The following ZNF208 variants were observed in gnomAD, a reference collection of about 807,000 sequenced individuals.
ZNF208 encodes zinc finger protein 208.
Under a neutral mutation model 12.1 loss-of-function variants are expected in ZNF208, and 10 were observed. That is an observed-to-expected ratio of 0.83 (90% CI 0.51 to 1.40). ZNF208 has a LOEUF of 1.40. Ranked by LOEUF, ZNF208 falls within the 40% of genes most tolerant of loss-of-function variation. The pLI is 0.00. For synonymous variants in ZNF208, 497 were observed against 488.4 expected (o/e 1.02, Z -0.23); for missense variants, 1,652 against 1,485.0 (o/e 1.11, Z -1.85).
At position 21,970,940 on chromosome 19, in the gene ZNF208, T is replaced by C. The variant is rs115313005; in HGVS notation, c.*251A>G. On this transcript the variant is annotated 3_prime_UTR_variant, in exon 4 of 4. Coordinates refer to ENST00000397126, the MANE Select transcript of ZNF208 (RefSeq NM_007153.3). ...GGCTTTGCCACATTCTTTGCATTTGTATGGTTTCTCTCCAGTATGAATTAC... is the reference window on the plus strand; with the variant it reads ...GGCTTTGCCACATTCTTTGCATTTGCATGGTTTCTCTCCAGTATGAATTAC... 5.7e-3 allele frequency among the ~76,000 whole-genome samples: 859 copies of C among 152,030 alleles called. 1 individual carries two copies. The highest frequency in any genetic ancestry group is 0.019 in the African/African-American group (803 of 41,466).
intron 3 of ZNF208, among the ~76,000 whole-genome samples, chr19:21,977,532 C>A (rs561222806): frequency 6.6e-6 from 1 of 152,178 alleles, no homozygotes; most frequent in Non-Finnish European, 1.5e-5. Flanking sequence ...CATGAAGAAC[C>A]GTGCTCTCCA....
At chr19:21,945,545 A>G (rs979010038) in intron 4 of ZNF208, among the ~76,000 whole-genome samples, 3 of 152,202 alleles carry the variant, frequency 2.0e-5, no homozygotes, top group Non-Finnish European at 4.4e-5. Flanking sequence ...CCACAAAATA[A>G]TTTATCATAA....
At chr19:22,006,339 T>C (rs1971043696) in intron 1 of ZNF208, among the ~76,000 whole-genome samples, 1 of 152,184 alleles carries the variant, frequency 6.6e-6, no homozygotes, top group Non-Finnish European at 1.5e-5. Context: ...TGGTACTTCC[T>C]CCTGTTGTAA....
rs1395480824 is a variant in ZNF208 at position 21,971,783 on chromosome 19, G to C, written c.3251C>G (p.Pro1084Arg). The stretch of plus-strand genomic sequence containing the variant: ...TTTGCCACATTCTTCACATTTGTAG[G>C]GTTCCTCTCCAGCATGAGTTGCCTT... ...EHKATHAGEE[P>R]YKCEECGKAF... The change falls in exon 4 of 4, where the codon CCC becomes CGC. Residue 1084 changes from proline to arginine, a missense_variant. By Grantham distance (103) the Pro-to-Arg change is moderately radical (BLOSUM62 -2). This residue lies in a region of ZNF208 where 1,239 missense variants were observed against 1,086.2 expected (regional missense o/e 1.14). Transcript: ENST00000397126. 1.2e-6 allele frequency: 2 copies of C among 1,613,838 alleles called. No individual in the cohort carries two copies. Among genetic ancestry groups the C allele is most frequent in the Admixed American group, 3.3e-5 (2 of 59,978 alleles).
At position 21,973,411 on chromosome 19, in the gene ZNF208, A is replaced by G; in HGVS notation, c.1623T>C (p.Thr541=). 1 of 1,611,910 alleles carries G rather than the reference A, an allele frequency of 6.2e-7. No homozygotes were observed. The highest frequency in any genetic ancestry group is 8.5e-7 in the Non-Finnish European group (1 of 1,179,786). The change falls in exon 4 of 4, where the codon ACT becomes ACC. Residue 541 remains threonine, a synonymous_variant. Transcript: ENST00000397126. ...CTCCAGTATGAATTACCTTATGTTT[A>G]GTAAGGATTGAGAATGTACTGAAGC... The part of the protein sequence containing the change: ...GKSFSTFSIL[T]KHKVIHTGEK...
intron 3 of ZNF208, among the ~76,000 whole-genome samples, chr19:21,975,483 A>G (rs1489991364): frequency 6.6e-6 from 1 of 152,160 alleles, no homozygotes; most frequent in Non-Finnish European, 1.5e-5. Flanking sequence ...TGAGAGGCCC[A>G]CATAATCTTA....
At chr19:21,952,686 G>T (rs1366847825) in intron 4 of ZNF208, among the ~76,000 whole-genome samples, 1 of 152,122 alleles carries the variant, frequency 6.6e-6, no homozygotes, top group Non-Finnish European at 1.5e-5. Flanking sequence ...AAAGACCAAA[G>T]GTAGATAAAA....
rs144759872 is a variant in ZNF208, at chr19:21,970,325, A to G, written c.*866T>C. Among the ~76,000 whole-genome samples, 261 of 152,264 alleles carry G rather than the reference A, an allele frequency of 1.7e-3. No individual in the cohort carries two copies. Among genetic ancestry groups the G allele is most frequent in the African/African-American group, 5.7e-3 (239 of 41,584 alleles). ...TGTAGTAAGCCTTAAGGACTGGTTA[A>G]GGGCATTGCAACATTCCACACAATT... is the stretch of plus-strand genomic sequence containing the variant. On this transcript the variant is annotated 3_prime_UTR_variant, in exon 4 of 4. Coordinates refer to ENST00000397126, the MANE Select transcript of ZNF208 (RefSeq NM_007153.3).
At chr19:21,962,413 A>G (rs1349615186), downstream of ZNF208, among the ~76,000 whole-genome samples, 1 of 152,160 alleles carries the variant, frequency 6.6e-6, no homozygotes, top group Non-Finnish European at 1.5e-5. Flanking sequence ...TTATTTGGTC[A>G]GCTTTTTTTA....
At position 21,974,145 on chromosome 19, in the gene ZNF208, C is replaced by T. The variant is rs1156597367; in HGVS notation, c.889G>A (p.Val297Ile). 4 of 1,603,888 alleles carry T rather than the reference C, an allele frequency of 2.5e-6. No homozygotes were observed. Among genetic ancestry groups the T allele is most frequent in the Non-Finnish European group, 3.4e-6 (4 of 1,176,130 alleles). Residue 297 changes from valine (V) to isoleucine (I), a missense_variant, in exon 4 of 4, where the codon GTC (valine) becomes ATC (isoleucine). By Grantham distance (29) the Val-to-Ile change is conservative. Coordinates refer to ENST00000397126, the MANE Select transcript of ZNF208 (RefSeq NM_007153.3). ...GCCTTATGTGTAGTAAGAGTCGAGA[C>T]CTTACTAAAGGCTTTGCCACATTCT... ...CEECGKAFSK[V>I]STLTTHKAIH...
downstream of ZNF208, among the ~76,000 whole-genome samples, chr19:21,962,411 T>C (rs956820691): frequency 5.3e-5 from 8 of 152,158 alleles, no homozygotes; most frequent in African/African-American, 1.9e-4. Context: ...CTTTATTTGG[T>C]CAGCTTTTTT....
chr19:21,979,096 AT>A (rs1262107039), intron 3 of ZNF208, among the ~76,000 whole-genome samples: 1 of 152,172 alleles, frequency 6.6e-6, no homozygotes, highest in African/African-American at 2.4e-5. Flanking sequence ...CCAAATCTAC[AT>A]TTAATTCGGG....
chr19:21,960,017 A>G (rs1407942592), intron 4 of ZNF208, among the ~76,000 whole-genome samples: 2 of 152,194 alleles, frequency 1.3e-5, no homozygotes, highest in Admixed American at 6.6e-5. Flanking sequence ...CTTTTCTGGT[A>G]ATACAGCAGT....
chr19:22,010,717 C>G, intron 1 of ZNF208, 75 bp downstream of exon 1: 1 of 1,612,900 alleles, frequency 6.2e-7, no homozygotes, highest in Non-Finnish European at 8.5e-7. Context: ...AGGCCTGAGT[C>G]CCGCCACAGC....
rs1055961320 is a variant in ZNF208 at position 21,988,835 on chromosome 19, C to G, written c.78G>C (p.Gln26His). The G allele has an allele frequency of 1.2e-6, 2 of 1,614,044 alleles. No individual in the cohort carries two copies. The highest frequency in any genetic ancestry group is 1.3e-5 in the African/African-American group (1 of 74,928). ...CTAACATCACATTTCTATATAAATT[C>G]TGCTGTGCAGTGTCCAGGCATTGCC... Reference protein sequence around the residue: ...EEWQCLDTAQQNLYRNVMLEN... With the variant: ...EEWQCLDTAQHNLYRNVMLEN... The change falls in exon 2 of 4, where the codon CAG (glutamine) becomes CAC (histidine). Residue 26 changes from glutamine to histidine, a missense_variant. Physicochemically the swap from Gln to His is conservative, Grantham distance 24. Coordinates refer to ENST00000397126, the MANE Select transcript of ZNF208 (RefSeq NM_007153.3).
rs200352996 is a variant in ZNF208, at chr19:21,971,923, G to C, written c.3111C>G (p.Ala1037=). ...TPYKCEECDK[A]FSWPSSLTEH... ...CAGTAAGGCTTGAGGGCCAGCTGAA[G>C]GCTTTGTCACATTCTTCACATTTGT... Residue 1037 remains alanine, a synonymous_variant, in exon 4 of 4, where the codon GCC becomes GCG. Transcript: ENST00000397126. 257 of 1,530,600 alleles carry C rather than the reference G, an allele frequency of 1.7e-4. No individual in the cohort carries two copies. The highest frequency in any genetic ancestry group is 1.3e-4 in the Non-Finnish European group (150 of 1,122,888). The allele number at this position is 1,530,600 out of a possible 1,614,324, so 94.8% of individuals were successfully genotyped here.
intron 4 of ZNF208, among the ~76,000 whole-genome samples, chr19:21,948,575 C>A (rs752879956): frequency 1.6e-4 from 24 of 152,110 alleles, no homozygotes; most frequent in Non-Finnish European, 2.9e-4. Flanking sequence ...ACAGAAAATG[C>A]CCAATAAACA....
chr19:21,986,659 A>G (rs751433043), intron 3 of ZNF208: 18 of 174,914 alleles, frequency 1.0e-4, no homozygotes, highest in Non-Finnish European at 2.0e-4. Flanking sequence ...TAAAATTTAC[A>G]TGAAACTACA....
chr19:21,940,686 T>C (rs1969722775), intron 4 of ZNF208: 1 of 152,312 alleles, frequency 6.6e-6, no homozygotes, highest in Non-Finnish European at 1.5e-5. Context: ...TGATCTCTGC[T>C]CAGGCGTGAG....
Sources: allele counts gnomAD v4.1 joint callset (sites outside exome capture counted in the v4.1 genomes callset), GRCh38; gene constraint gnomAD v4.1.1; regional missense constraint gnomAD v4.1.1; transcripts MANE v1.5; gene names NCBI Gene and HGNC (gene_info 2026-07-23, HGNC 2026-07-21).